MKLN1: variants seen among roughly 807,000 people sequenced by gnomAD.
The protein encoded by MKLN1 is muskelin.
MKLN1 carries 18 observed loss-of-function variants against 99.0 expected under a neutral mutation model. The ratio of observed to expected loss-of-function variants is 0.18; its 90% CI spans 0.13 to 0.27. The LOEUF (loss-of-function observed/expected upper bound fraction) is 0.27. Among genes scored for constraint, MKLN1 ranks in the 10% least tolerant of loss-of-function variants. The pLI is 1.00. For missense variants in MKLN1, 621 were observed against 875.9 expected, an observed-to-expected ratio of 0.71 and a Z score of 3.67; for synonymous variants, 288 against 293.2, an observed-to-expected ratio of 0.98 and a Z score of 0.18.
At chr7:131,307,887 A>G (rs1798491448) in intron 3 of MKLN1, among the ~76,000 whole-genome samples, 1 of 152,192 alleles carries the variant, frequency 6.6e-6, no homozygotes, top group African/African-American at 2.4e-5. Flanking sequence ...GTATTTTGCA[A>G]TCTGAAAAGG....
chr7:131,206,636 A>G (rs376133341), intron 3 of MKLN1, among the ~76,000 whole-genome samples: 1 of 151,474 alleles, frequency 6.6e-6, no homozygotes, highest in Non-Finnish European at 1.5e-5. Context: ...GCTCACTGCA[A>G]CCTCAAACTC....
chr7:131,244,130 C>T (rs1304139309), intron 3 of MKLN1, among the ~76,000 whole-genome samples: 4 of 152,038 alleles, frequency 2.6e-5, no homozygotes, highest in South Asian at 2.1e-4. Context: ...CGAGTGGTAC[C>T]CGATTTCCCT....
chr7:131,261,374 G>T (rs962001732), intron 3 of MKLN1, among the ~76,000 whole-genome samples: 2 of 152,184 alleles, frequency 1.3e-5, no homozygotes, highest in African/African-American at 4.8e-5. Context: ...CACACATGTA[G>T]CCAATAAGCA....
chr7:131,285,849 G>A (rs1798122806), intron 3 of MKLN1, among the ~76,000 whole-genome samples: 1 of 151,900 alleles, frequency 6.6e-6, no homozygotes, highest in African/African-American at 2.4e-5. Context: ...CCTTTTTTCT[G>A]GCCCCATAGC....
chr7:131,132,457 T>C (rs1795565620), intron 1 of MKLN1, among the ~76,000 whole-genome samples: 2 of 152,206 alleles, frequency 1.3e-5, no homozygotes, highest in African/African-American at 2.4e-5. Context: ...CATATATCCA[T>C]ACATAACGAC....
intron 2 of MKLN1, among the ~76,000 whole-genome samples, chr7:131,201,293 T>C (rs997068893): frequency 6.6e-6 from 1 of 152,228 alleles, no homozygotes; most frequent in African/African-American, 2.4e-5. Context: ...GTGCTGGGAT[T>C]ATAGGCGTGA....
chr7:131,294,045 A>C (rs1229138038), intron 3 of MKLN1, among the ~76,000 whole-genome samples: 1 of 152,036 alleles, frequency 6.6e-6, no homozygotes, highest in African/African-American at 2.4e-5. Context: ...AAATGTCTCC[A>C]AGCGTTGCTA....
intron 1 of MKLN1, among the ~76,000 whole-genome samples, chr7:131,137,190 C>A (rs745596044): frequency 2.6e-5 from 4 of 152,048 alleles, no homozygotes; most frequent in Non-Finnish European, 4.4e-5. Flanking sequence ...TAGAATAGCG[C>A]CTGTACAGTT....
At chr7:131,129,501 C>T (rs1795516514) in intron 1 of MKLN1, among the ~76,000 whole-genome samples, 3 of 152,112 alleles carry the variant, frequency 2.0e-5, no homozygotes, top group South Asian at 4.1e-4. Flanking sequence ...TTTGTGTATT[C>T]CCATGATGAA....
chr7:131,256,072 A>C (rs1797653782), intron 3 of MKLN1, among the ~76,000 whole-genome samples: 1 of 151,068 alleles, frequency 6.6e-6, no homozygotes, highest in African/African-American at 2.4e-5. Context: ...TACTCAGCTA[A>C]TTTTTGTATT....
intron 2 of MKLN1, among the ~76,000 whole-genome samples, chr7:131,148,292 C>T (rs965240992): frequency 5.3e-5 from 8 of 152,192 alleles, no homozygotes; most frequent in Admixed American, 3.3e-4. Context: ...GCCACCAACA[C>T]TTACCCTGCA....
chr7:131,340,849 A>G (rs1028032985), intron 1 of MKLN1, among the ~76,000 whole-genome samples: 2 of 152,152 alleles, frequency 1.3e-5, no homozygotes, highest in African/African-American at 2.4e-5. Context: ...ATTTTTTTCA[A>G]TGAGTTTCAG....
rs1383137991 is a variant in MKLN1, at chr7:131,133,837, T to G, written c.-418-8983T>G. Among the ~76,000 whole-genome samples the G allele has an allele frequency of 5.1e-4, 71 of 140,458 alleles. 5 individuals are homozygous for G. The highest frequency in any genetic ancestry group is 4.7e-3 in the Admixed American group (66 of 14,118). 92.1% of individuals were successfully genotyped at this position (140,458 alleles called of 152,430 possible). On this transcript the variant is annotated intron_variant, in intron 1 of 7. Coordinates refer to the MKLN1 transcript ENST00000416992. Reference sequence around the variant, plus strand: ...TTAATTTGGTTTTTTTTTTTTTTTTTTTTTTTTTTGAGACGAAGTTTTGCT... The same window carrying G: ...TTAATTTGGTTTTTTTTTTTTTTTTGTTTTTTTTTGAGACGAAGTTTTGCT...
intron 3 of MKLN1, among the ~76,000 whole-genome samples, chr7:131,294,920 A>G (rs898928313): frequency 6.6e-6 from 1 of 152,180 alleles, no homozygotes; most frequent in Non-Finnish European, 1.5e-5. Context: ...TTGGAACGCA[A>G]ACCATCTCGT....
chr7:131,307,887 A>C (rs1798491448), intron 3 of MKLN1, among the ~76,000 whole-genome samples: 1 of 152,192 alleles, frequency 6.6e-6, no homozygotes, highest in Non-Finnish European at 1.5e-5. Flanking sequence ...GTATTTTGCA[A>C]TCTGAAAAGG....
chr7:131,227,505 C>CTTTCT (rs1554539899), intron 3 of MKLN1, among the ~76,000 whole-genome samples: 1 of 133,506 alleles, frequency 7.5e-6, no homozygotes, highest in African/African-American at 2.8e-5. Context: ...CTCTTTCTTT[C>CTTTCT]TTTCTTTCTT....
At chr7:131,412,737 C>G (rs1314963323) in intron 7 of MKLN1, among the ~76,000 whole-genome samples, 2 of 152,154 alleles carry the variant, frequency 1.3e-5, no homozygotes, top group Non-Finnish European at 2.9e-5. Flanking sequence ...GAAAGTGTAG[C>G]AATTTCTTAA....
chr7:131,132,646 C>T (rs899050598), intron 1 of MKLN1, among the ~76,000 whole-genome samples: 7 of 152,010 alleles, frequency 4.6e-5, no homozygotes, highest in African/African-American at 1.2e-4. Flanking sequence ...AACCAAAGGC[C>T]GGGCGCGGTG....
intron 16 of MKLN1, among the ~76,000 whole-genome samples, chr7:131,474,517 C>T (rs977283502): frequency 1.3e-5 from 2 of 152,144 alleles, no homozygotes; most frequent in African/African-American, 2.4e-5. Flanking sequence ...TAGGCCAGTA[C>T]ATACAGTTCA....
Sources: gnomAD v4.1 joint callset for allele counts (sites outside exome capture counted in the v4.1 genomes callset) on GRCh38, gnomAD v4.1.1 for gene constraint, MANE v1.5 for transcripts, NCBI Gene and HGNC (gene_info 2026-07-23, HGNC 2026-07-21) for gene names.